MACROD2: variants seen among roughly 807,000 people sequenced by gnomAD.
The protein encoded by MACROD2 is mono-ADP ribosylhydrolase 2, also known as ADP-ribose glycohydrolase MACROD2.
Under a neutral mutation model 70.4 loss-of-function variants are expected in MACROD2, and 36 were observed. The observed-to-expected ratio is 0.51, with a 90% confidence interval of 0.39 to 0.68. The LOEUF (loss-of-function observed/expected upper bound fraction) is 0.68, where lower values mean the gene tolerates loss of function less well. Among genes scored for constraint, MACROD2 ranks in the 30% least tolerant of loss-of-function variants. The pLI, the probability that MACROD2 is intolerant of heterozygous loss-of-function variation, is 0.00. For synonymous variants in MACROD2, 172 were observed against 178.8 expected (o/e 0.96, Z 0.30); for missense variants, 496 against 538.4 (o/e 0.92, Z 0.78).
At chr20:15,561,262 A>T (rs1484177890) in intron 8 of MACROD2, among the ~76,000 whole-genome samples, 1 of 152,252 alleles carries the variant, frequency 6.6e-6, no homozygotes, top group Non-Finnish European at 1.5e-5. Flanking sequence ...AGCATGAATT[A>T]TGCAATTAGC....
intron 5 of MACROD2, among the ~76,000 whole-genome samples, chr20:14,709,774 A>T (rs1281148854): frequency 6.6e-6 from 1 of 152,166 alleles, no homozygotes; most frequent in Non-Finnish European, 1.5e-5. Context: ...ATCTTTTAGG[A>T]TTAGGTCATT....
At chr20:14,750,593 G>A (rs1329975939) in intron 5 of MACROD2, among the ~76,000 whole-genome samples, 4 of 151,964 alleles carry the variant, frequency 2.6e-5, no homozygotes, top group African/African-American at 7.3e-5. Flanking sequence ...CTGAGTAACT[G>A]GGACTACAGG....
At chr20:14,350,082 G>C (rs930134540) in intron 3 of MACROD2, among the ~76,000 whole-genome samples, 13 of 151,930 alleles carry the variant, frequency 8.6e-5, no homozygotes, top group African/African-American at 2.9e-4. Flanking sequence ...TGGCTGCATA[G>C]TACTCCATTG....
intron 5 of MACROD2, among the ~76,000 whole-genome samples, chr20:14,955,332 T>A (rs1466089087): frequency 2.1e-5 from 3 of 144,260 alleles, no homozygotes; most frequent in Non-Finnish European, 4.5e-5. Context: ...ATATAACATA[T>A]ACTATATAAT....
At chr20:15,367,660 C>T (rs1183753392) in intron 6 of MACROD2, among the ~76,000 whole-genome samples, 2 of 151,872 alleles carry the variant, frequency 1.3e-5, no homozygotes, top group Non-Finnish European at 1.5e-5. Flanking sequence ...CCTATGAAAG[C>T]CCTGATTATA....
chr20:15,712,299 T>C (rs2050640243), intron 8 of MACROD2, among the ~76,000 whole-genome samples: 1 of 152,208 alleles, frequency 6.6e-6, no homozygotes, highest in Non-Finnish European at 1.5e-5. Flanking sequence ...AATAAAACTT[T>C]ATTCACAAAA....
At chr20:15,598,247 A>G (rs145213470) in intron 8 of MACROD2, among the ~76,000 whole-genome samples, 1 of 152,310 alleles carries the variant, frequency 6.6e-6, no homozygotes, top group East Asian at 1.9e-4. Context: ...AAATTTTGTG[A>G]AATACTGTAT....
At chr20:15,679,447 GC>G (rs1327670593) in intron 8 of MACROD2, among the ~76,000 whole-genome samples, 1 of 150,042 alleles carries the variant, frequency 6.7e-6, no homozygotes, top group Non-Finnish European at 1.5e-5. Flanking sequence ...TGCCTTGGTG[GC>G]CCCCATGAAC....
At chr20:15,424,911 G>T (rs2046277704) in intron 6 of MACROD2, among the ~76,000 whole-genome samples, 1 of 152,206 alleles carries the variant, frequency 6.6e-6, no homozygotes, top group African/African-American at 2.4e-5. Context: ...TGGCGGATTG[G>T]CTGGGCAACT....
rs115851199 is a variant in MACROD2, at chr20:14,219,936, G to C, written c.271+134208G>C. Among the ~76,000 whole-genome samples the C allele has an allele frequency of 8.0e-3, 1,223 of 152,214 alleles. 12 individuals carry two copies. Among genetic ancestry groups the C allele is most frequent in the African/African-American group, 0.025 (1,047 of 41,514 alleles). On this transcript the variant is annotated intron_variant, in intron 3 of 17. Coordinates refer to ENST00000684519, the MANE Select transcript of MACROD2 (RefSeq NM_001351661.2). ...CCTGTTCCGGTGGAGGTGGCGGGGT[G>C]GGGGGTGCAATGGACTCTGTGAGGC...
intron 3 of MACROD2, among the ~76,000 whole-genome samples, chr20:14,094,096 G>A (rs2054190367): frequency 6.6e-6 from 1 of 152,024 alleles, no homozygotes; most frequent in Non-Finnish European, 1.5e-5. Context: ...GATAAATTGG[G>A]GAAGGATTAA....
chr20:15,114,021 G>A (rs931669208), intron 5 of MACROD2, among the ~76,000 whole-genome samples: 2 of 152,070 alleles, frequency 1.3e-5, no homozygotes, highest in African/African-American at 4.8e-5. Context: ...TTTGAAGTCT[G>A]GCAGGCCTAC....
chr20:14,116,392 A>G (rs2054513912), intron 3 of MACROD2, among the ~76,000 whole-genome samples: 1 of 152,184 alleles, frequency 6.6e-6, no homozygotes. Flanking sequence ...TTAGTACTCA[A>G]AAAGTGTTTG....
chr20:16,030,123 C>T (rs1391883917), intron 15 of MACROD2, among the ~76,000 whole-genome samples: 1 of 152,172 alleles, frequency 6.6e-6, no homozygotes, highest in African/African-American at 2.4e-5. Flanking sequence ...TTCTGAGTCT[C>T]ATGTTGAATT....
intron 15 of MACROD2, among the ~76,000 whole-genome samples, chr20:16,024,497 T>TCACACACA (rs145103665): frequency 6.6e-4 from 100 of 150,772 alleles, no homozygotes; most frequent in South Asian, 3.8e-3. Context: ...GCAGCCATGT[T>TCACACACA]CACACACACA....
intron 3 of MACROD2, among the ~76,000 whole-genome samples, chr20:14,286,921 T>G (rs1027106490): frequency 6.6e-6 from 1 of 152,228 alleles, no homozygotes; most frequent in Non-Finnish European, 1.5e-5. Context: ...TTAATAACTT[T>G]CACTCTGACA....
intron 5 of MACROD2, among the ~76,000 whole-genome samples, chr20:14,939,239 A>T (rs1188247976): frequency 6.6e-6 from 1 of 152,030 alleles, no homozygotes; most frequent in Admixed American, 6.6e-5. Flanking sequence ...CTTATATTTA[A>T]GTCTGTAATC....
intron 5 of MACROD2, among the ~76,000 whole-genome samples, chr20:15,014,988 C>T (rs1237671897): frequency 6.6e-6 from 1 of 151,970 alleles, no homozygotes; most frequent in Non-Finnish European, 1.5e-5. Context: ...AGCACCTATT[C>T]GTTTTTAAGT....
At chr20:15,244,885 TA>T (rs2077092289) in intron 6 of MACROD2, among the ~76,000 whole-genome samples, 1 of 152,226 alleles carries the variant, frequency 6.6e-6, no homozygotes, top group Non-Finnish European at 1.5e-5. Flanking sequence ...CATTTGCCAA[TA>T]TTTTTAATTA....
Sources: allele counts gnomAD v4.1 joint callset (sites outside exome capture counted in the v4.1 genomes callset), GRCh38; gene constraint gnomAD v4.1.1; transcripts MANE v1.5; gene names NCBI Gene and HGNC (gene_info 2026-07-23, HGNC 2026-07-21).